The following FNDC5 variants were observed in gnomAD, a reference collection of about 807,000 sequenced individuals.
FNDC5 encodes fibronectin type III domain-containing protein 5.
A neutral mutation model predicts 24.6 loss-of-function variants in FNDC5; 10 were observed. The observed-to-expected ratio is 0.41, with a 90% CI of 0.25 to 0.69. The LOEUF (loss-of-function observed/expected upper bound fraction) is 0.69, where lower values mean the gene tolerates loss of function less well. FNDC5 is among the 30% of genes least tolerant of loss of function. FNDC5 has a pLI of 0.34. For synonymous variants in FNDC5, 90 were observed against 110.7 expected (o/e 0.81, Z 1.18); for missense variants, 226 against 282.9 (o/e 0.80, Z 1.44).
chr1:32,870,153 A>G (rs914844166), intron 1 of FNDC5, among the ~76,000 whole-genome samples: 2 of 152,048 alleles, frequency 1.3e-5, no homozygotes, highest in Admixed American at 1.3e-4. Context: ...GGCAGGCCAG[A>G]CACTGTACCA....
chr1:32,870,148 G>A (rs1018908164), intron 1 of FNDC5, among the ~76,000 whole-genome samples: 2 of 152,134 alleles, frequency 1.3e-5, no homozygotes, highest in Non-Finnish European at 2.9e-5. Context: ...CATGGGGCAG[G>A]CCAGACACTG....
At chr1:32,866,225 C>T (rs1641068145) in intron 4 of FNDC5, among the ~76,000 whole-genome samples, 1 of 152,180 alleles carries the variant, frequency 6.6e-6, no homozygotes. Flanking sequence ...TCTAATAACG[C>T]ACCATAAGCA....
intron 4 of FNDC5, 127 bp from the exon 5 acceptor site, chr1:32,864,924 C>A: frequency 7.3e-7 from 1 of 1,363,680 alleles, no homozygotes; most frequent in Non-Finnish European, 9.8e-7. Context: ...CAGCACCCTC[C>A]CTCTGCCCTC....
chr1:32,864,464 C>G, intron 5 of FNDC5, 165 bp from the exon 6 acceptor site: 1 of 1,467,198 alleles, frequency 6.8e-7, no homozygotes, highest in Non-Finnish European at 9.0e-7. Flanking sequence ...TTCTTCAAAT[C>G]ACCACTGGCC....
At chr1:32,864,419 A>T in intron 5 of FNDC5, 120 bp from the exon 6 acceptor site, 1 of 1,512,654 alleles carries the variant, frequency 6.6e-7, no homozygotes, top group Non-Finnish European at 8.8e-7. Flanking sequence ...CCAACCAAGA[A>T]TTCTGCCCTC....
At chr1:32,865,777 A>G (rs1641060287) in intron 4 of FNDC5, among the ~76,000 whole-genome samples, 1 of 152,156 alleles carries the variant, frequency 6.6e-6, no homozygotes, top group Non-Finnish European at 1.5e-5. Flanking sequence ...TATCTCACTT[A>G]ATCCTCACAA....
At chr1:32,867,200 G>A (rs1232721581) in intron 4 of FNDC5, among the ~76,000 whole-genome samples, 1 of 152,196 alleles carries the variant, frequency 6.6e-6, no homozygotes, top group Non-Finnish European at 1.5e-5. Context: ...GGGCTAAAGA[G>A]AGGGTTAAAG....
At chr1:32,870,344 C>T (rs1641155885) in intron 1 of FNDC5, among the ~76,000 whole-genome samples, 1 of 152,082 alleles carries the variant, frequency 6.6e-6, no homozygotes, top group African/African-American at 2.4e-5. Flanking sequence ...TCCTCAGCTG[C>T]TCCCTGGGTC....
rs1458816648 is a variant in FNDC5 at position 32,863,633 on chromosome 1, A to G, written c.*661T>C. 3.6e-6 allele frequency: 4 copies of G among 1,107,126 alleles called. No homozygotes were observed. The Admixed American group carries it at 9.2e-5, about 26-fold the overall frequency. The allele number at this position is 1,107,126 out of a possible 1,614,324, so 68.6% of individuals were successfully genotyped here. A position where few individuals can be genotyped will look rare whatever the true frequency, so the allele number is the denominator to read the frequency against. The stretch of plus-strand genomic sequence containing the variant: ...AAGGAGAAGAGAGAACTGTGCAGCT[A>G]GCTGTGCCTCCTCCCCACTGCTGCA... On this transcript the variant is annotated 3_prime_UTR_variant, in exon 6 of 6. Transcript: ENST00000373471.
intron 1 of FNDC5, among the ~76,000 whole-genome samples, chr1:32,869,486 C>T (rs1012117721): frequency 6.6e-6 from 1 of 152,202 alleles, no homozygotes; most frequent in Admixed American, 6.5e-5. Flanking sequence ...TGGGGTGAGC[C>T]CTGGACTGGG....
At position 32,863,987 on chromosome 1, in the gene FNDC5, T is replaced by TG. The variant is rs1641011828; in HGVS notation, c.*306dup. 3 of 1,333,870 alleles carry TG rather than the reference T, an allele frequency of 2.2e-6. No individual in the cohort carries two copies. Among genetic ancestry groups the TG allele is most frequent in the Non-Finnish European group, 2.9e-6 (3 of 1,033,850 alleles). 82.6% of individuals were successfully genotyped at this position (1,333,870 alleles called of 1,614,324 possible). ...AACCCAGCCTTCAGCCTCACTCAAC[T>TG]GAATGGCCAAGACTGGGTCCTGGGC... On this transcript the variant is annotated 3_prime_UTR_variant, in exon 6 of 6. Coordinates refer to ENST00000373471, the MANE Select transcript of FNDC5 (RefSeq NM_153756.3).
intron 5 of FNDC5, 100 bp from the exon 6 acceptor site, chr1:32,864,399 T>C: frequency 6.4e-7 from 1 of 1,561,332 alleles, no homozygotes; most frequent in African/African-American, 1.4e-5. Flanking sequence ...CCCACTCCTA[T>C]TGTCCCGCGC....
chr1:32,866,461 TG>T (rs1413573548), intron 4 of FNDC5, among the ~76,000 whole-genome samples: 1 of 152,204 alleles, frequency 6.6e-6, no homozygotes, highest in African/African-American at 2.4e-5. Context: ...TTTCTTGGAT[TG>T]CAGCTGCCCT....
At position 32,870,909 on chromosome 1, in the gene FNDC5, G is replaced by C. The variant is rs887784744; in HGVS notation, c.-163C>G. On this transcript the variant is annotated 5_prime_UTR_variant, in exon 1 of 6. Transcript: ENST00000373471. The stretch of plus-strand genomic sequence containing the variant: ...CCTGCATGTCGGCTCCGCGGACAGC[G>C]ACTCCCGCGCGGCGGCGGTGGCGGC... The C allele has an allele frequency of 2.7e-5, 4 of 147,628 alleles. No individual in the cohort carries two copies. Among genetic ancestry groups the C allele is most frequent in the African/African-American group, 4.9e-5 (2 of 40,652 alleles). The allele number at this position is 147,628 out of a possible 1,614,324, so 9.1% of individuals were successfully genotyped here.
At chr1:32,864,628 C>A in intron 5 of FNDC5, 36 bp downstream of exon 5, 2 of 1,613,082 alleles carry the variant, frequency 1.2e-6, no homozygotes, top group Non-Finnish European at 1.7e-6. Flanking sequence ...GCATGAGGCA[C>A]AGGGTGGCCC....
chr1:32,867,516 G>A (rs1641093068), intron 4 of FNDC5, among the ~76,000 whole-genome samples: 1 of 152,164 alleles, frequency 6.6e-6, no homozygotes, highest in Non-Finnish European at 1.5e-5. Flanking sequence ...GGAGGGCGAA[G>A]GCAAGTACTC....
At chr1:32,871,173 T>C (rs1330903452), upstream of FNDC5, among the ~76,000 whole-genome samples, 1 of 151,666 alleles carries the variant, frequency 6.6e-6, no homozygotes, top group African/African-American at 2.4e-5. Flanking sequence ...AGCCCTGACT[T>C]GGCTGCCGCT....
At chr1:32,871,229 G>T (rs1197692987), upstream of FNDC5, among the ~76,000 whole-genome samples, 1 of 151,932 alleles carries the variant, frequency 6.6e-6, no homozygotes, top group Non-Finnish European at 1.5e-5. Context: ...CCACCGAGAT[G>T]CCCGTTTGTG....
chr1:32,863,341 C>T lies in FNDC5; in HGVS notation c.*953G>A, dbSNP rs1480142994. 5.6e-6 allele frequency: 1 copy of T among 177,390 alleles called. No homozygotes were observed. Among genetic ancestry groups the T allele is most frequent in the Non-Finnish European group, 1.2e-5 (1 of 81,978 alleles). The allele number at this position is 177,390 out of a possible 1,614,324, so 11.0% of individuals were successfully genotyped here. A position where few individuals can be genotyped will look rare whatever the true frequency, so the allele number is the denominator to read the frequency against. The stretch of plus-strand genomic sequence containing the variant: ...AAAAGGCTTGATGGCAGCCATGATC[C>T]TGCCTGGCAGGCAGCCCCACAGCTT... On this transcript the variant is annotated 3_prime_UTR_variant, in exon 6 of 6. Transcript: ENST00000373471.
Sources: gnomAD v4.1 joint callset for allele counts (sites outside exome capture counted in the v4.1 genomes callset) on GRCh38, gnomAD v4.1.1 for gene constraint, MANE v1.5 for transcripts, NCBI Gene and HGNC (gene_info 2026-07-23, HGNC 2026-07-21) for gene names.